Variants in CFTR observed in about 807,000 individuals in gnomAD.
The protein encoded by CFTR is CF transmembrane conductance regulator, also known as cystic fibrosis transmembrane conductance regulator.
Under a neutral mutation model 171.6 loss-of-function variants are expected in CFTR, and 181 were observed. The observed-to-expected ratio is 1.05, with a 90% CI of 0.93 to 1.19. The LOEUF (loss-of-function observed/expected upper bound fraction) is 1.19, where lower values mean the gene tolerates loss of function less well. Among genes scored for constraint, CFTR ranks in the 50% most tolerant of loss-of-function variants. The probability of loss-of-function intolerance (pLI) is 0.00; values close to 1 mark genes in which losing one functional copy is unlikely to be tolerated. For missense variants in CFTR, 1,968 were observed against 1,734.7 expected, an observed-to-expected ratio of 1.13 and a Z score of -2.39; for synonymous variants, 583 against 608.0, an observed-to-expected ratio of 0.96 and a Z score of 0.60.
intron 24 of CFTR, among the ~76,000 whole-genome samples, chr7:117,661,532 C>T (rs990039998): frequency 2.6e-5 from 4 of 152,130 alleles, no homozygotes; most frequent in African/African-American, 9.7e-5. Flanking sequence ...ATACTGCATT[C>T]TGACCAAAAT....
intron 23 of CFTR, 21 bp from the exon 24 acceptor site, chr7:117,652,821 T>A: frequency 8.6e-7 from 1 of 1,168,536 alleles, no homozygotes; most frequent in South Asian, 1.3e-5. Flanking sequence ...TACTTTCTTC[T>A]TCTTTTCTTT....
At position 117,513,642 on chromosome 7, in the gene CFTR, C is replaced by T. The variant is rs144493709; in HGVS notation, c.273+4500C>T. Among the ~76,000 whole-genome samples, 624 of 152,226 alleles carry T rather than the reference C, an allele frequency of 4.1e-3. 7 individuals carry two copies. Among genetic ancestry groups the T allele is most frequent in the African/African-American group, 0.013 (520 of 41,526 alleles). The stretch of plus-strand genomic sequence containing the variant: ...CCCTAAAGAAGGGATGGTGTTCTCT[C>T]GGGAATTCTGTGCATAGAGAGCCTG... On this transcript the variant is annotated intron_variant, in intron 3 of 26. Transcript: ENST00000003084.
At chr7:117,661,518 G>A (rs1793281455) in intron 24 of CFTR, among the ~76,000 whole-genome samples, 2 of 152,146 alleles carry the variant, frequency 1.3e-5, no homozygotes, top group South Asian at 2.1e-4. Flanking sequence ...AATCTAGAGG[G>A]AGCATACTGC....
intron 9 of CFTR, among the ~76,000 whole-genome samples, chr7:117,548,362 GTGT>G (rs1799197922): frequency 6.7e-6 from 1 of 149,534 alleles, no homozygotes; most frequent in Non-Finnish European, 1.5e-5. Context: ...GTGTGTGTGT[GTGT>G]ATGTGTATGT....
At chr7:117,633,644 T>C (rs1414477735) in intron 22 of CFTR, among the ~76,000 whole-genome samples, 2 of 143,992 alleles carry the variant, frequency 1.4e-5, no homozygotes, top group Non-Finnish European at 1.5e-5. Context: ...TTTGTAGAAG[T>C]TTTTTTTTTT....
intron 22 of CFTR, among the ~76,000 whole-genome samples, chr7:117,636,307 T>C: frequency 6.6e-6 from 1 of 152,192 alleles, no homozygotes; most frequent in African/African-American, 2.4e-5. Context: ...ATGAACATGA[T>C]ATGCCTTTCT....
chr7:117,620,398 T>C (rs963379279), intron 21 of CFTR, among the ~76,000 whole-genome samples: 2 of 152,220 alleles, frequency 1.3e-5, no homozygotes, highest in Middle Eastern at 3.2e-3. Context: ...CTTTTTCCCA[T>C]GAAAAATTTC....
intron 20 of CFTR, 126 bp from the exon 21 acceptor site, chr7:117,614,487 T>C (rs1181484695): frequency 1.4e-6 from 1 of 722,148 alleles, no homozygotes; most frequent in African/African-American, 1.8e-5. Flanking sequence ...TTAAAAATTG[T>C]TAAAATTAGC....
At chr7:117,589,779 A>C (rs2116023722) in intron 12 of CFTR, among the ~76,000 whole-genome samples, 1 of 152,174 alleles carries the variant, frequency 6.6e-6, no homozygotes, top group African/African-American at 2.4e-5. Flanking sequence ...ATTTGTTGAT[A>C]GTGGTTAACA....
intron 11 of CFTR, among the ~76,000 whole-genome samples, chr7:117,569,667 A>C (rs1791659537): frequency 6.6e-6 from 1 of 152,154 alleles, no homozygotes; most frequent in Non-Finnish European, 1.5e-5. Context: ...GACTTATAGA[A>C]AAAGGAGACA....
chr7:117,552,706 A>C (rs739378), intron 10 of CFTR, among the ~76,000 whole-genome samples: 28,893 of 151,742 alleles, frequency 0.19, 3,229 homozygotes, highest in East Asian at 0.42. Flanking sequence ...GTTTCTCTCT[A>C]TATATATAAT....
chr7:117,654,120 T>C (rs1223568818), intron 24 of CFTR, among the ~76,000 whole-genome samples: 1 of 152,224 alleles, frequency 6.6e-6, no homozygotes, highest in Admixed American at 6.5e-5. Flanking sequence ...TGTCTCATTC[T>C]TTGTGGCAGG....
rs1792036042 is a variant in CFTR, at chr7:117,592,129, T to C, written c.1962T>C (p.Ser654=). 1 of 1,614,022 alleles carries C rather than the reference T, an allele frequency of 6.2e-7. No individual in the cohort carries two copies. The highest frequency in any genetic ancestry group is 8.5e-7 in the Non-Finnish European group (1 of 1,179,964). Reference sequence around the variant, plus strand: ...GATGTGATTCTTTCGACCAATTTAGTGCAGAAAGAAGAAATTCAATCCTAA... The same window carrying C: ...GATGTGATTCTTTCGACCAATTTAGCGCAGAAAGAAGAAATTCAATCCTAA... ...LMGCDSFDQF[S]AERRNSILTE... The change falls in exon 14 of 27, where the codon AGT becomes AGC. Residue 654 remains serine, a synonymous_variant. Transcript: ENST00000003084.
Position 117,486,462 on chromosome 7 carries a change from G to A in CFTR, c.53+6315G>A, listed in dbSNP as rs148056858. Among the ~76,000 whole-genome samples the A allele has an allele frequency of 2.2e-3, 335 of 152,234 alleles. 1 individual carries two copies. Among genetic ancestry groups the A allele is most frequent in the African/African-American group, 7.8e-3 (326 of 41,540 alleles). On this transcript the variant is annotated intron_variant, in intron 1 of 26. Coordinates refer to ENST00000003084, the MANE Select transcript of CFTR (RefSeq NM_000492.4). ...ACTGGGGCACTTAACCCAGTCTAAG[G>A]CTGGTCAAGGAAGGCTTGCTGGGGG...
intron 12 of CFTR, 52 bp from the exon 13 acceptor site, chr7:117,590,301 G>C: frequency 6.3e-7 from 1 of 1,582,976 alleles, no homozygotes; most frequent in South Asian, 1.1e-5. Context: ...ATCTACACTA[G>C]ATGACCAGGA....
intron 7 of CFTR, among the ~76,000 whole-genome samples, chr7:117,537,990 G>A (rs371702518): frequency 6.6e-6 from 1 of 152,070 alleles, no homozygotes; most frequent in East Asian, 1.9e-4. Context: ...GGTCATTCTT[G>A]GTGCTGATTT....
chr7:117,585,746 ATCC>A (rs1206601243), intron 11 of CFTR, among the ~76,000 whole-genome samples: 3 of 152,012 alleles, frequency 2.0e-5, no homozygotes, highest in Admixed American at 6.6e-5. Context: ...GGTTCAAGCA[ATCC>A]TCCTCCCTCA....
At chr7:117,644,070 T>C (rs181884788) in intron 23 of CFTR, among the ~76,000 whole-genome samples, 22 of 152,172 alleles carry the variant, frequency 1.4e-4, no homozygotes, top group Non-Finnish European at 2.9e-4. Context: ...CTTTTTTTTT[T>C]CATTTCCACT....
At chr7:117,493,880 A>T (rs1183096200) in intron 1 of CFTR, among the ~76,000 whole-genome samples, 1 of 152,032 alleles carries the variant, frequency 6.6e-6, no homozygotes, top group Non-Finnish European at 1.5e-5. Flanking sequence ...CAATGCCATG[A>T]TGTTCTTTGA....
Sources: allele counts gnomAD v4.1 joint callset (sites outside exome capture counted in the v4.1 genomes callset), GRCh38; gene constraint gnomAD v4.1.1; transcripts MANE v1.5; gene names NCBI Gene and HGNC (gene_info 2026-07-23, HGNC 2026-07-21).